PIK3R3: variants seen among roughly 807,000 people sequenced by gnomAD.
PIK3R3 encodes phosphoinositide-3-kinase regulatory subunit 3.
Under a neutral mutation model 62.9 loss-of-function variants are expected in PIK3R3, and 64 were observed. That is an observed-to-expected ratio of 1.02 (90% CI 0.83 to 1.25). The LOEUF is 1.25. Among genes scored for constraint, PIK3R3 ranks in the 50% most tolerant of loss-of-function variants. The probability of loss-of-function intolerance (pLI) is 0.00; values close to 1 mark genes in which losing one functional copy is unlikely to be tolerated. For synonymous variants in PIK3R3, 165 were observed against 189.0 expected (o/e 0.87, Z 1.04); for missense variants, 614 against 561.6 (o/e 1.09, Z -0.94).
At chr1:46,136,128 G>A (rs983153233), upstream of PIK3R3, among the ~76,000 whole-genome samples, 11 of 150,326 alleles carry the variant, frequency 7.3e-5, no homozygotes, top group African/African-American at 2.7e-4. Context: ...TAGACTTTGG[G>A]TAGGGATTCT....
At chr1:46,045,284 C>A (rs1407952911) in intron 9 of PIK3R3, among the ~76,000 whole-genome samples, 1 of 152,176 alleles carries the variant, frequency 6.6e-6, no homozygotes, top group Non-Finnish European at 1.5e-5. Context: ...CATCATAACT[C>A]TTTTCTAAGT....
rs991656886 is a variant in PIK3R3 at position 46,041,917 on chromosome 1, C to A, written c.*1756G>T. On this transcript the variant is annotated 3_prime_UTR_variant, in exon 10 of 10. Transcript: ENST00000262741. ...AAAAATCTGTGTCTACATCATGGTCCATATTTTAGACCCTGTCATGGAAAT... is the reference window on the plus strand; with the variant it reads ...AAAAATCTGTGTCTACATCATGGTCAATATTTTAGACCCTGTCATGGAAAT... 1 of 216,248 alleles carries A rather than the reference C, an allele frequency of 4.6e-6. No homozygotes were observed. The highest frequency in any genetic ancestry group is 9.3e-6 in the Non-Finnish European group (1 of 107,246). The allele number at this position is 216,248 out of a possible 1,614,324, so 13.4% of individuals were successfully genotyped here. A position where few individuals can be genotyped will look rare whatever the true frequency, so the allele number is the denominator to read the frequency against.
intron 1 of PIK3R3, among the ~76,000 whole-genome samples, chr1:46,114,612 T>C (rs1259796980): frequency 6.6e-6 from 1 of 151,960 alleles, no homozygotes; most frequent in Non-Finnish European, 1.5e-5. Context: ...GTGTGTTTTG[T>C]TTTTGTTTTT....
At chr1:46,109,162 CAAA>C (rs758453256) in intron 1 of PIK3R3, among the ~76,000 whole-genome samples, 1 of 70,134 alleles carries the variant, frequency 1.4e-5, no homozygotes, top group African/African-American at 4.5e-5. Context: ...GACTCTGTCT[CAAA>C]AAAAAAAAAA....
At chr1:46,156,452 C>G in the PIK3R3 span, among the ~76,000 whole-genome samples, 10 of 136,324 alleles carry the variant, frequency 7.3e-5, no homozygotes, top group Non-Finnish European at 9.2e-5. Flanking sequence ...GAGTGAGACT[C>G]TGTCTCAAAA....
chr1:46,070,949 TA>T (rs958477047), intron 3 of PIK3R3, among the ~76,000 whole-genome samples: 3 of 152,194 alleles, frequency 2.0e-5, no homozygotes, highest in Non-Finnish European at 4.4e-5. Context: ...TTTACCAATT[TA>T]AAAAATAAGA....
At chr1:46,102,358 A>G (rs1318259147) in intron 1 of PIK3R3, among the ~76,000 whole-genome samples, 2 of 152,162 alleles carry the variant, frequency 1.3e-5, no homozygotes, top group Non-Finnish European at 2.9e-5. Context: ...TAAAAATTAC[A>G]TTTGTTATCT....
At chr1:46,080,053 C>A (rs1650434261) in intron 2 of PIK3R3, among the ~76,000 whole-genome samples, 1 of 149,756 alleles carries the variant, frequency 6.7e-6, no homozygotes. Context: ...TTTAAGTGAG[C>A]TTTTTCTTTT....
chr1:46,080,759 G>T lies in PIK3R3; in HGVS notation c.107-9C>A, dbSNP rs769808195. The T allele has an allele frequency of 3.5e-5, 55 of 1,558,320 alleles. No homozygotes were observed. The Admixed American group carries it at 8.9e-4, about 25-fold the overall frequency. ...TGGCTTTGGTGGAAGAGCTAGAAGA[G>T]AAATGAATATTACTCTGTAGATGTA... On this transcript the variant is annotated splice_polypyrimidine_tract_variant and intron_variant, in intron 1 of 9. Coordinates refer to ENST00000262741, the MANE Select transcript of PIK3R3 (RefSeq NM_003629.4).
intron 6 of PIK3R3, among the ~76,000 whole-genome samples, chr1:46,060,240 C>G (rs1648356671): frequency 6.6e-6 from 1 of 152,196 alleles, no homozygotes; most frequent in South Asian, 2.1e-4. Context: ...GTAATCCCAG[C>G]ACTTTGGGAG....
chr1:46,109,357 A>G (rs1223884356), intron 1 of PIK3R3, among the ~76,000 whole-genome samples: 1 of 152,142 alleles, frequency 6.6e-6, no homozygotes, highest in African/African-American at 2.4e-5. Context: ...GGTTGTCTCA[A>G]TAGCAAAGTC....
intron 1 of PIK3R3, among the ~76,000 whole-genome samples, chr1:46,110,872 T>TG (rs929378866): frequency 4.0e-5 from 6 of 148,836 alleles, no homozygotes; most frequent in Non-Finnish European, 7.5e-5. Flanking sequence ...AAAAGTTGGT[T>TG]TTTTTTTTTT....
chr1:46,167,214 A>G, the PIK3R3 span, among the ~76,000 whole-genome samples: 1 of 152,210 alleles, frequency 6.6e-6, no homozygotes, highest in Non-Finnish European at 1.5e-5. Context: ...TACGGAAAGA[A>G]CGCCCCGCGA....
At chr1:46,172,552 T>C in the PIK3R3 span, among the ~76,000 whole-genome samples, 3 of 152,158 alleles carry the variant, frequency 2.0e-5, no homozygotes, top group Middle Eastern at 3.4e-3. Flanking sequence ...TATCTAGGCG[T>C]GGTGGCCTGC....
chr1:46,054,397 CAAAAA>C (rs10649671), intron 7 of PIK3R3, among the ~76,000 whole-genome samples: 7 of 80,036 alleles, frequency 8.7e-5, no homozygotes, highest in East Asian at 3.7e-4. Context: ...CTCCGCCTCA[CAAAAA>C]AAAAAAAAAA....
chr1:46,147,750 T>C, the PIK3R3 span, among the ~76,000 whole-genome samples: 9 of 152,278 alleles, frequency 5.9e-5, no homozygotes, highest in East Asian at 1.7e-3. Context: ...TAAATAGTGT[T>C]GCACCTCACT....
chr1:46,070,557 A>G (rs2149401139), intron 3 of PIK3R3, among the ~76,000 whole-genome samples: 1 of 152,352 alleles, frequency 6.6e-6, no homozygotes, highest in South Asian at 2.1e-4. Context: ...GTGGAAATGC[A>G]GAAGTTAAGC....
intron 5 of PIK3R3, 28 bp downstream of exon 5, chr1:46,066,026 T>TTC: frequency 6.3e-7 from 1 of 1,593,804 alleles, no homozygotes; most frequent in East Asian, 2.2e-5. Flanking sequence ...TGCACACATA[T>TTC]TAGTCAAAAA....
intron 1 of PIK3R3, among the ~76,000 whole-genome samples, chr1:46,100,990 A>T (rs1440331730): frequency 2.6e-5 from 4 of 151,894 alleles, no homozygotes; most frequent in African/African-American, 9.7e-5. Context: ...CCTAGTCAAC[A>T]TGGCAAAACA....
Sources: gnomAD v4.1 joint callset for allele counts (sites outside exome capture counted in the v4.1 genomes callset) on GRCh38, gnomAD v4.1.1 for gene constraint, MANE v1.5 for transcripts, NCBI Gene and HGNC (gene_info 2026-07-23, HGNC 2026-07-21) for gene names.